The following RFC2 variants were observed in gnomAD, a reference collection of about 807,000 sequenced individuals.
The protein encoded by RFC2 is A1 40 kDa subunit.
In RFC2, 34 loss-of-function variants were observed where a neutral mutation model predicts 44.8. The observed-to-expected ratio is 0.76, with a 90% CI of 0.58 to 1.01. The LOEUF (loss-of-function observed/expected upper bound fraction) is 1.01, where lower values mean the gene tolerates loss of function less well. RFC2 is among the 50% of genes least tolerant of loss of function. RFC2 has a pLI of 0.00. For synonymous variants in RFC2, 177 were observed against 168.9 expected, an observed-to-expected ratio of 1.05 and a Z score of -0.37; for missense variants, 400 against 453.6, an observed-to-expected ratio of 0.88 and a Z score of 1.07.
At chr7:74,235,402 G>A (rs573506803) in intron 10 of RFC2, 130 bp downstream of exon 10, 14 of 671,526 alleles carry the variant, frequency 2.1e-5, no homozygotes, top group African/African-American at 9.1e-5. Context: ...GGCTGGTCTC[G>A]AACTCCTGAC....
chr7:74,249,212 C>T (rs782176669), intron 3 of RFC2, 94 bp from the exon 4 acceptor site: 28 of 1,585,830 alleles, frequency 1.8e-5, no homozygotes, highest in Non-Finnish European at 1.2e-5. Flanking sequence ...TCTCCGTCAC[C>T]TCTGACCCCT....
chr7:74,233,944 T>C (rs1318360249), intron 10 of RFC2: 1 of 453,614 alleles, frequency 2.2e-6, no homozygotes, highest in African/African-American at 2.0e-5. Context: ...ATTTCACCCC[T>C]GGGAACTTAC....
intron 2 of RFC2, among the ~76,000 whole-genome samples, chr7:74,250,513 GGA>G (rs1786869881): frequency 6.6e-6 from 1 of 152,028 alleles, no homozygotes; most frequent in African/African-American, 2.4e-5. Context: ...TTCCCACCAT[GGA>G]CTGTCTATGC....
At chr7:74,232,561 A>C (rs1281090033) in intron 10 of RFC2, among the ~76,000 whole-genome samples, 1 of 152,206 alleles carries the variant, frequency 6.6e-6, no homozygotes, top group Non-Finnish European at 1.5e-5. Context: ...CTGTATAAAG[A>C]ATTCTCAAAA....
At chr7:74,250,294 TTC>T (rs1305332233) in intron 2 of RFC2, among the ~76,000 whole-genome samples, 1 of 151,976 alleles carries the variant, frequency 6.6e-6, no homozygotes, top group Middle Eastern at 3.2e-3. Flanking sequence ...TCACCTCAAG[TTC>T]TTTTTATTCT....
intron 2 of RFC2, among the ~76,000 whole-genome samples, chr7:74,250,602 T>C (rs975255535): frequency 2.0e-5 from 3 of 152,036 alleles, no homozygotes; most frequent in Non-Finnish European, 4.4e-5. Flanking sequence ...GGCTTCACCA[T>C]CCTCCTCCTT....
intron 6 of RFC2, among the ~76,000 whole-genome samples, chr7:74,241,967 A>T (rs1554719328): frequency 6.6e-6 from 1 of 152,200 alleles, no homozygotes; most frequent in African/African-American, 2.4e-5. Context: ...CTACAAAAAA[A>T]AGAAAGAGAA....
At position 74,250,362 on chromosome 7, in the gene RFC2, C is replaced by T. The variant is rs149819391; in HGVS notation, c.184-582G>A. ...CTGGAGTGCAGTGGTGTGATCAAGG[C>T]TCACCGCAGCCTCCAATTCCCAGGC... On this transcript the variant is annotated intron_variant, in intron 2 of 10. Coordinates refer to ENST00000055077, the MANE Select transcript of RFC2 (RefSeq NM_181471.3). 7.9e-5 allele frequency among the ~76,000 whole-genome samples: 12 copies of T among 152,076 alleles called. No homozygotes were observed. The East Asian group carries it at 2.3e-3, about 29-fold the overall frequency.
At chr7:74,239,913 G>T in intron 7 of RFC2, 25 bp downstream of exon 7, 3 of 1,569,148 alleles carry the variant, frequency 1.9e-6, no homozygotes, top group East Asian at 2.3e-5. Context: ...GGATGCCCAC[G>T]CCTGAATGGT....
chr7:74,232,282 G>A (rs1802775243), intron 10 of RFC2, 66 bp from the exon 11 acceptor site: 2 of 863,354 alleles, frequency 2.3e-6, no homozygotes, highest in East Asian at 2.5e-5. Flanking sequence ...AATCTGAACT[G>A]AAAAAAATAA....
rs1554721634 is a variant in RFC2, at chr7:74,254,379, T to C, written c.5A>G (p.Glu2Gly). Reference protein sequence around the residue: MEVEAVCGGAGE... With the variant: MGVEAVCGGAGE... ...CGCGCCACCACAGACGGCCTCCACC[T>C]CCATTCTCGCGCCTCCTCTTCCCGC... is the stretch of plus-strand genomic sequence containing the variant. The change falls in exon 1 of 11, where the codon GAG becomes GGG. Residue 2 changes from glutamate to glycine, a missense_variant. Glu to Gly is a moderately conservative substitution (Grantham distance 98). Transcript: ENST00000055077. 3.8e-6 allele frequency: 6 copies of C among 1,595,260 alleles called. No homozygotes were observed. Among genetic ancestry groups the C allele is most frequent in the African/African-American group, 1.3e-5 (1 of 74,184 alleles).
In RFC2 at chr7:74,245,483, C is replaced by T. The variant is rs563716038; in HGVS notation, c.434+1179G>A. ...ATCCCAGCACTTTGGGAGGCCGAGGCGGGCGGATCATGAGGCCAGGAGATC... is the reference window on the plus strand; with the variant it reads ...ATCCCAGCACTTTGGGAGGCCGAGGTGGGCGGATCATGAGGCCAGGAGATC... On this transcript the variant is annotated intron_variant, in intron 5 of 10. Transcript: ENST00000055077. Among the ~76,000 whole-genome samples the T allele has an allele frequency of 6.0e-5, 9 of 150,846 alleles. No individual in the cohort carries two copies. The South Asian group carries it at 8.4e-4, about 14-fold the overall frequency.
chr7:74,240,661 G>A (rs1425676964), intron 6 of RFC2, among the ~76,000 whole-genome samples: 3 of 152,224 alleles, frequency 2.0e-5, no homozygotes, highest in Non-Finnish European at 2.9e-5. Flanking sequence ...TCCTCCAGTA[G>A]AAACACATCC....
rs140868309 is a variant in RFC2 at position 74,252,098 on chromosome 7, CAAAAAAAAAAAAA to C, written c.183+318_183+330del. 1.3e-3 allele frequency among the ~76,000 whole-genome samples: 28 copies of C among 21,560 alleles called. 1 individual carries two copies. Among genetic ancestry groups the C allele is most frequent in the South Asian group, 5.4e-3 (2 of 370 alleles). The allele number at this position is 21,560 out of a possible 152,430, so 14.1% of individuals were successfully genotyped here. ...TGGGCGACAGAGGGAGGCTCCATCT[CAAAAAAAAAAAAA>C]AAAAAAAAAAAAAAGGCCAGGTGTG... is the stretch of plus-strand genomic sequence containing the variant. On this transcript the variant is annotated intron_variant, in intron 2 of 10. Transcript: ENST00000055077.
chr7:74,251,004 C>T (rs1349045189), intron 2 of RFC2, among the ~76,000 whole-genome samples: 1 of 152,166 alleles, frequency 6.6e-6, no homozygotes, highest in African/African-American at 2.4e-5. Flanking sequence ...CCAGGCTGGT[C>T]GTGAACTCCT....
At chr7:74,239,043 G>GT in intron 7 of RFC2, 55 bp from the exon 8 acceptor site, 2 of 1,433,218 alleles carry the variant, frequency 1.4e-6, no homozygotes, top group Non-Finnish European at 2.0e-6. Flanking sequence ...TTCTTTTTGA[G>GT]TAGAGACAGG....
At chr7:74,253,399 G>A (rs1402870312) in intron 1 of RFC2, among the ~76,000 whole-genome samples, 1 of 151,964 alleles carries the variant, frequency 6.6e-6, no homozygotes, top group Non-Finnish European at 1.5e-5. Context: ...TTCTGCAGAC[G>A]TGTGCCAAAT....
In RFC2 at chr7:74,238,881, C is replaced by G; in HGVS notation, c.759+42G>C. The G allele has an allele frequency of 6.5e-7, 1 of 1,536,784 alleles. No individual in the cohort carries two copies. The highest frequency in any genetic ancestry group is 9.0e-7 in the Non-Finnish European group (1 of 1,109,972). On this transcript the variant is annotated intron_variant, in intron 8 of 10. Coordinates refer to ENST00000055077, the MANE Select transcript of RFC2 (RefSeq NM_181471.3). This position sits in a 1 kb window ranked among gnomAD's most constrained non-coding sequence, Gnocchi z 4.0. ...AGCCCCACTGGCCCCCACAGGGAAG[C>G]ACGGCTTCTGCTGACAGTACCACCC...
At position 74,235,607 on chromosome 7, in the gene RFC2, T is replaced by G. The variant is rs781826991; in HGVS notation, c.879A>C (p.Glu293Asp). ...CTCGAAAGATGTTGCCAATGATATC[T>G]TCTGGTGAGTAGCCCAGATGCCACA... is the stretch of plus-strand genomic sequence containing the variant. ...AHLWHLGYSP[E>D]DIIGNIFRVC... is the part of the protein sequence containing the mutation. Residue 293 changes from glutamate to aspartate, a missense_variant, in exon 10 of 11, where the codon GAA becomes GAC. Glu to Asp is a conservative substitution (Grantham distance 45). Transcript: ENST00000055077. 1.2e-6 allele frequency: 2 copies of G among 1,613,590 alleles called. No homozygotes were observed. The highest frequency in any genetic ancestry group is 3.3e-5 in the Admixed American group (2 of 60,012).
Sources: gnomAD v4.1 joint callset for allele counts (sites outside exome capture counted in the v4.1 genomes callset) on GRCh38, gnomAD v4.1.1 for gene constraint, Gnocchi (gnomAD v3.1) non-coding constraint, MANE v1.5 for transcripts, NCBI Gene and HGNC (gene_info 2026-07-23, HGNC 2026-07-21) for gene names.